The following SLC25A42 variants were observed in gnomAD, a reference collection of about 807,000 sequenced individuals.
SLC25A42 encodes the protein mitochondrial coenzyme A transporter SLC25A42.
Under a neutral mutation model 34.7 loss-of-function variants are expected in SLC25A42, and 19 were observed. That is an observed-to-expected ratio of 0.55 (90% CI 0.38 to 0.80). The LOEUF is 0.80. Ranked by LOEUF, SLC25A42 falls within the 30% of genes least tolerant of loss-of-function variation. SLC25A42 has a pLI of 0.00. For synonymous variants in SLC25A42, 205 were observed against 191.2 expected, an observed-to-expected ratio of 1.07 and a Z score of -0.59; for missense variants, 364 against 441.3, an observed-to-expected ratio of 0.82 and a Z score of 1.57.
intron 1 of SLC25A42, among the ~76,000 whole-genome samples, chr19:19,080,224 C>T (rs955127869): frequency 6.6e-6 from 1 of 152,150 alleles, no homozygotes; most frequent in Non-Finnish European, 1.5e-5. Flanking sequence ...TGGTGAAGAG[C>T]AGAGTGGGCT....
At chr19:19,083,608 C>T (rs1215568346) in intron 1 of SLC25A42, among the ~76,000 whole-genome samples, 1 of 152,220 alleles carries the variant, frequency 6.6e-6, no homozygotes, top group Non-Finnish European at 1.5e-5. Flanking sequence ...AGGGCGAAGG[C>T]CTGAATTGGC....
At chr19:19,106,189 G>A (rs2059826474) in intron 5 of SLC25A42, 80 bp from the exon 6 acceptor site, 4 of 1,224,000 alleles carry the variant, frequency 3.3e-6, no homozygotes, top group Non-Finnish European at 4.7e-6. Flanking sequence ...CAGCAGAGAC[G>A]TGCGGGTGCT....
intron 2 of SLC25A42, among the ~76,000 whole-genome samples, chr19:19,097,191 CT>C (rs2059770206): frequency 2.0e-5 from 3 of 152,174 alleles, no homozygotes; most frequent in Non-Finnish European, 4.4e-5. Context: ...CAGGGCCTGA[CT>C]CAGGCCGACC....
intron 1 of SLC25A42, among the ~76,000 whole-genome samples, chr19:19,077,108 G>C (rs757862827): frequency 7.2e-5 from 11 of 152,044 alleles, no homozygotes; most frequent in Non-Finnish European, 1.0e-4. Flanking sequence ...CATTTGAGCC[G>C]GGGAGTCGGA....
At chr19:19,097,420 T>C (rs560915485) in intron 2 of SLC25A42, among the ~76,000 whole-genome samples, 5 of 152,372 alleles carry the variant, frequency 3.3e-5, no homozygotes, top group Non-Finnish European at 7.3e-5. Flanking sequence ...CACCTGGATA[T>C]GGCTGTTGCT....
At chr19:19,110,356 T>A (rs1006981213) in intron 7 of SLC25A42, among the ~76,000 whole-genome samples, 1 of 152,042 alleles carries the variant, frequency 6.6e-6, no homozygotes, top group African/African-American at 2.4e-5. Context: ...AAAAAAAAAT[T>A]TTTTTTATTT....
chr19:19,083,618 C>A (rs1334492391), intron 1 of SLC25A42, among the ~76,000 whole-genome samples: 1 of 152,234 alleles, frequency 6.6e-6, no homozygotes, highest in African/African-American at 2.4e-5. Context: ...CCTGAATTGG[C>A]AAACCCTCAG....
intron 6 of SLC25A42, 128 bp from the exon 7 acceptor site, chr19:19,107,766 G>A: frequency 1.2e-6 from 1 of 867,086 alleles, no homozygotes; most frequent in Non-Finnish European, 1.8e-6. Flanking sequence ...TCTTGAAGAA[G>A]AAGGAAAACA....
intron 1 of SLC25A42, among the ~76,000 whole-genome samples, chr19:19,083,305 G>A (rs1010674815): frequency 6.6e-6 from 1 of 152,150 alleles, no homozygotes; most frequent in African/African-American, 2.4e-5. Context: ...GATAATCCAG[G>A]ACAGTCTCCC....
At chr19:19,085,181 G>A (rs2059701043) in intron 1 of SLC25A42, among the ~76,000 whole-genome samples, 1 of 152,060 alleles carries the variant, frequency 6.6e-6, no homozygotes, top group Non-Finnish European at 1.5e-5. Flanking sequence ...GAACTACGGT[G>A]CCCCCAGTCA....
At chr19:19,093,962 C>T (rs915265300) in intron 1 of SLC25A42, among the ~76,000 whole-genome samples, 1 of 152,362 alleles carries the variant, frequency 6.6e-6, no homozygotes, top group African/African-American at 2.4e-5. Context: ...AGGCGTGAGC[C>T]ACTGCGCCCA....
chr19:19,099,146 G>A (rs1175300922), intron 2 of SLC25A42, among the ~76,000 whole-genome samples: 3 of 152,106 alleles, frequency 2.0e-5, no homozygotes, highest in Non-Finnish European at 2.9e-5. Context: ...ACAAGCGCCC[G>A]CAATTCTCAA....
At chr19:19,080,377 G>A (rs2059675211) in intron 1 of SLC25A42, among the ~76,000 whole-genome samples, 1 of 152,172 alleles carries the variant, frequency 6.6e-6, no homozygotes, top group Non-Finnish European at 1.5e-5. Context: ...GGATCCATGA[G>A]TAAGGAGACA....
At chr19:19,105,791 C>A in intron 5 of SLC25A42, 64 bp downstream of exon 5, 2 of 1,240,588 alleles carry the variant, frequency 1.6e-6, no homozygotes, top group Non-Finnish European at 2.1e-6. Flanking sequence ...TCTCTTTCTT[C>A]TGCACGCCCC....
chr19:19,091,058 C>T (rs1318821293), intron 1 of SLC25A42, among the ~76,000 whole-genome samples: 3 of 152,190 alleles, frequency 2.0e-5, no homozygotes, highest in Non-Finnish European at 1.5e-5. Flanking sequence ...CTCTTGGGCC[C>T]GTTTCTGCTG....
chr19:19,096,254 T>TGGGGGCCCCCC, intron 2 of SLC25A42, 49 bp downstream of exon 2: 1 of 1,456,704 alleles, frequency 6.9e-7, no homozygotes, highest in Non-Finnish European at 9.4e-7. Context: ...GGCCCCAGCC[T>TGGGGGCCCCCC]CCCCACCCCC....
chr19:19,111,074 G>C lies in SLC25A42; in HGVS notation c.*198G>C. ...CTGGCAGCCCTGGAAGTGCAGTGTT[G>C]GGGCGATGGTGTGGGGGGTCCCGCA... On this transcript the variant is annotated 3_prime_UTR_variant, in exon 8 of 8. Transcript: ENST00000318596. The C allele has an allele frequency of 1.6e-6, 1 of 618,502 alleles. No homozygotes were observed. The highest frequency in any genetic ancestry group is 2.0e-5 in the South Asian group (1 of 50,636). 38.3% of individuals were successfully genotyped at this position (618,502 alleles called of 1,614,324 possible).
intron 1 of SLC25A42, among the ~76,000 whole-genome samples, chr19:19,069,117 G>A (rs1037943212): frequency 3.9e-5 from 6 of 151,952 alleles, no homozygotes; most frequent in Admixed American, 6.6e-5. Flanking sequence ...GAAGTAGAAC[G>A]ATGTCCCCTG....
chr19:19,076,780 T>C (rs2059657777), intron 1 of SLC25A42, among the ~76,000 whole-genome samples: 1 of 152,182 alleles, frequency 6.6e-6, no homozygotes, highest in South Asian at 2.1e-4. Context: ...TCAAGACAGT[T>C]TTCAAGCCCC....
Sources: gnomAD v4.1 joint callset for allele counts (sites outside exome capture counted in the v4.1 genomes callset) on GRCh38, gnomAD v4.1.1 for gene constraint, MANE v1.5 for transcripts, NCBI Gene and HGNC (gene_info 2026-07-23, HGNC 2026-07-21) for gene names.